The following GRHL2 variants were observed in gnomAD, a reference collection of about 807,000 sequenced individuals.
GRHL2 encodes the protein grainyhead-like protein 2 homolog.
In GRHL2, 21 loss-of-function variants were observed where a neutral mutation model predicts 83.8. That is an observed-to-expected ratio of 0.25 (90% CI 0.18 to 0.36). The LOEUF (loss-of-function observed/expected upper bound fraction) is 0.36. GRHL2 is among the 10% of genes least tolerant of loss of function. GRHL2 has a pLI of 1.00. For missense variants in GRHL2, 623 were observed against 781.8 expected (o/e 0.80, Z 2.42); for synonymous variants, 280 against 278.9 (o/e 1.00, Z -0.04).
At chr8:101,618,840 AT>A (rs926122391) in intron 8 of GRHL2, among the ~76,000 whole-genome samples, 100 of 148,050 alleles carry the variant, frequency 6.8e-4, no homozygotes, top group Non-Finnish European at 6.3e-4. Context: ...GTGTTATCTG[AT>A]TTTTTTTTTT....
chr8:101,625,890 A>G (rs1427959227), intron 9 of GRHL2, among the ~76,000 whole-genome samples: 1 of 151,976 alleles, frequency 6.6e-6, no homozygotes, highest in Non-Finnish European at 1.5e-5. Context: ...TAAGGGTTGG[A>G]GTCGGGGATG....
Position 101,636,724 on chromosome 8 carries a change from TACACACACAC to T in GRHL2, c.1486-140_1486-131del, listed in dbSNP as rs3029438. The T allele has an allele frequency of 4.6e-3, 2,211 of 483,652 alleles. 12 individuals carry two copies. Among genetic ancestry groups the T allele is most frequent in the African/African-American group, 0.021 (1,055 of 49,522 alleles). The allele number at this position is 483,652 out of a possible 1,614,324, so 30.0% of individuals were successfully genotyped here. ...ACTTAAATATGCATTTCCTTAGAAA[TACACACACAC>T]ACACACACACACACACACACACACA... On this transcript the variant is annotated intron_variant, in intron 11 of 15. Coordinates refer to ENST00000646743, the MANE Select transcript of GRHL2 (RefSeq NM_024915.4).
chr8:101,570,000 A>T (rs1811789401), intron 4 of GRHL2, among the ~76,000 whole-genome samples: 1 of 152,204 alleles, frequency 6.6e-6, no homozygotes, highest in Non-Finnish European at 1.5e-5. Context: ...TTACTTCAGA[A>T]TTTATGACAT....
chr8:101,555,585 C>T lies in GRHL2; in HGVS notation c.284+2803C>T, dbSNP rs145720155. Among the ~76,000 whole-genome samples, 10 of 152,188 alleles carry T rather than the reference C, an allele frequency of 6.6e-5. No homozygotes were observed. In the East Asian group the frequency reaches 1.9e-3, roughly 29 times the overall value. ...AATGGGTGGTCTGGGTTTTGGCATC[C>T]TCCAACTAGCTGGATTCAGATGAAA... is the stretch of plus-strand genomic sequence containing the variant. On this transcript the variant is annotated intron_variant, in intron 3 of 15. Coordinates refer to ENST00000646743, the MANE Select transcript of GRHL2 (RefSeq NM_024915.4).
At chr8:101,678,858 G>A in the GRHL2 span, among the ~76,000 whole-genome samples, 1 of 147,728 alleles carries the variant, frequency 6.8e-6, no homozygotes, top group African/African-American at 2.5e-5. Context: ...ACCTGCAGCT[G>A]AGGGTCCTGT....
chr8:101,531,094 A>G (rs1000737875), intron 1 of GRHL2, among the ~76,000 whole-genome samples: 2 of 151,822 alleles, frequency 1.3e-5, no homozygotes, highest in African/African-American at 4.8e-5. Context: ...GTCAGGCATG[A>G]TGGACCACTC....
At chr8:101,583,547 G>C (rs1812099559) in intron 7 of GRHL2, among the ~76,000 whole-genome samples, 2 of 152,118 alleles carry the variant, frequency 1.3e-5, no homozygotes, top group African/African-American at 2.4e-5. Context: ...GTTCAGCCAG[G>C]GGCATGTTGA....
intron 1 of GRHL2, among the ~76,000 whole-genome samples, chr8:101,533,768 G>T (rs1202069507): frequency 6.6e-6 from 1 of 152,204 alleles, no homozygotes; most frequent in African/African-American, 2.4e-5. Flanking sequence ...GAGAGAGCTA[G>T]CCTTAGGTAT....
At position 101,573,717 on chromosome 8, in the gene GRHL2, C is replaced by G. The variant is rs1215612983; in HGVS notation, c.784C>G (p.Gln262Glu). 3 of 1,614,182 alleles carry G rather than the reference C, an allele frequency of 1.9e-6. No individual in the cohort carries two copies. The highest frequency in any genetic ancestry group is 2.5e-6 in the Non-Finnish European group (3 of 1,180,020). The change falls in exon 6 of 16, where the codon CAG (glutamine) becomes GAG (glutamate). Residue 262 changes from glutamine to glutamate, a missense_variant. Physicochemically the swap from Gln to Glu is conservative, Grantham distance 29. This residue lies in a region of GRHL2 where 96 missense variants were observed against 144.8 expected (regional missense o/e 0.66). Coordinates refer to ENST00000646743, the MANE Select transcript of GRHL2 (RefSeq NM_024915.4). Reference protein sequence around the residue: ...LEATKSLRQKQGEGPMTYLNK... With the variant: ...LEATKSLRQKEGEGPMTYLNK... ...AGCCACCAAATCTCTCCGTCAGAAG[C>G]AGGGGGAGGGCCCCATGACCTACCT...
chr8:101,667,319 AGTCTGCCT>A lies in GRHL2; in HGVS notation c.*623_*630del. The A allele has an allele frequency of 1.2e-5, 2 of 172,006 alleles. No homozygotes were observed. Among genetic ancestry groups the A allele is most frequent in the South Asian group, 3.0e-4 (2 of 6,778 alleles). 10.7% of individuals were successfully genotyped at this position (172,006 alleles called of 1,614,324 possible). ...TCACCGTGTAATTAGTAACACAGAAAGTCTGCCTGTCTGCATTGTACATAGTGTTTATA... is the reference window on the plus strand; with the variant it reads ...TCACCGTGTAATTAGTAACACAGAAAGTCTGCATTGTACATAGTGTTTATA... On this transcript the variant is annotated 3_prime_UTR_variant, in exon 16 of 16. Coordinates refer to ENST00000646743, the MANE Select transcript of GRHL2 (RefSeq NM_024915.4).
intron 9 of GRHL2, among the ~76,000 whole-genome samples, chr8:101,622,022 T>C (rs1448543112): frequency 1.3e-5 from 2 of 152,344 alleles, no homozygotes; most frequent in African/African-American, 4.8e-5. Flanking sequence ...AGAAAGCATA[T>C]GTATTTAAAC....
At chr8:101,665,633 CTGA>C (rs1814034374) in intron 15 of GRHL2, among the ~76,000 whole-genome samples, 1 of 152,206 alleles carries the variant, frequency 6.6e-6, no homozygotes. Context: ...GAGGTACATG[CTGA>C]TGATAACATT....
chr8:101,500,653 T>G (rs539785826), intron 1 of GRHL2, among the ~76,000 whole-genome samples: 39 of 152,150 alleles, frequency 2.6e-4, no homozygotes, highest in African/African-American at 5.5e-4. Context: ...GGACTATAGG[T>G]GTGCGCCACT....
intron 14 of GRHL2, among the ~76,000 whole-genome samples, chr8:101,656,873 GAC>G (rs35693999): frequency 0.052 from 7,705 of 147,260 alleles, 509 homozygotes; most frequent in African/African-American, 0.16. Context: ...GTGTCTAACA[GAC>G]ACACACACAC....
At chr8:101,615,266 T>C (rs942897729) in intron 8 of GRHL2, among the ~76,000 whole-genome samples, 13 of 152,218 alleles carry the variant, frequency 8.5e-5, no homozygotes, top group South Asian at 4.1e-4. Context: ...TCTGTCCCAC[T>C]TAAATGGCCC....
intron 1 of GRHL2, among the ~76,000 whole-genome samples, chr8:101,522,898 A>T: frequency 6.6e-6 from 1 of 151,608 alleles, no homozygotes. Context: ...ACAAAGTAGA[A>T]ATCTATTATT....
At chr8:101,563,420 C>A (rs1232058851) in intron 4 of GRHL2, among the ~76,000 whole-genome samples, 27 of 151,982 alleles carry the variant, frequency 1.8e-4, no homozygotes. Flanking sequence ...GGGACTGGCT[C>A]TCTGCAAAGT....
intron 4 of GRHL2, chr8:101,562,098 G>A (rs1272894308): frequency 8.9e-6 from 6 of 676,102 alleles, no homozygotes; most frequent in African/African-American, 7.0e-5. Context: ...AGATAAGATG[G>A]ATGTTTTGCT....
intron 9 of GRHL2, among the ~76,000 whole-genome samples, chr8:101,627,323 AT>A (rs1219659687): frequency 6.6e-6 from 1 of 151,860 alleles, no homozygotes; most frequent in Non-Finnish European, 1.5e-5. Context: ...CATTTCAAAC[AT>A]TTTCATTATT....
Sources: allele counts gnomAD v4.1 joint callset (sites outside exome capture counted in the v4.1 genomes callset), GRCh38; gene constraint gnomAD v4.1.1; regional missense constraint gnomAD v4.1.1; transcripts MANE v1.5; gene names NCBI Gene and HGNC (gene_info 2026-07-23, HGNC 2026-07-21).